Variants in PCDHGA1 observed in about 807,000 individuals in gnomAD.
PCDHGA1 encodes the protein protocadherin gamma subfamily A, 1, also known as protocadherin gamma-A1.
In PCDHGA1, 32 loss-of-function variants were observed where a neutral mutation model predicts 58.0. That is an observed-to-expected ratio of 0.55 (90% confidence interval 0.42 to 0.74). The LOEUF is 0.74. Among genes scored for constraint, PCDHGA1 ranks in the 30% least tolerant of loss-of-function variants. PCDHGA1 has a pLI of 0.00. For missense variants in PCDHGA1, 1,205 were observed against 1,182.3 expected, an observed-to-expected ratio of 1.02 and a Z score of -0.28; for synonymous variants, 498 against 501.1, an observed-to-expected ratio of 0.99 and a Z score of 0.08.
intron 1 of PCDHGA1, chr5:141,441,088 G>A (rs1050261040): frequency 3.9e-5 from 6 of 152,162 alleles, no homozygotes; most frequent in African/African-American, 1.4e-4. Context: ...GGTAGCAAGT[G>A]ACAGAGAGGG....
chr5:141,485,577 G>A lies in PCDHGA1; in HGVS notation c.2422-9230G>A. Reference sequence around the variant, plus strand: ...AATGATCACGCCCCCCGTTTTCCGCGGCAGCAGCTGGACTTGGAAATTGGG... The same window carrying A: ...AATGATCACGCCCCCCGTTTTCCGCAGCAGCAGCTGGACTTGGAAATTGGG... On this transcript the variant is annotated intron_variant, in intron 1 of 3. Transcript: ENST00000517417. This position sits in a 1 kb window ranked among gnomAD's most constrained non-coding sequence, Gnocchi z 5.7. 2 of 1,612,500 alleles carry A rather than the reference G, an allele frequency of 1.2e-6. No individual in the cohort carries two copies. Among genetic ancestry groups the A allele is most frequent in the Non-Finnish European group, 8.5e-7 (1 of 1,178,676 alleles).
intron 1 of PCDHGA1, chr5:141,340,174 C>A: frequency 6.2e-7 from 1 of 1,614,214 alleles, no homozygotes; most frequent in Non-Finnish European, 8.5e-7. Context: ...TAGACAATTA[C>A]TACCGACTGG....
intron 1 of PCDHGA1, chr5:141,426,390 C>T (rs1211244710): frequency 7.9e-6 from 2 of 252,180 alleles, no homozygotes; most frequent in African/African-American, 4.4e-5. Flanking sequence ...AGATCCGCTA[C>T]TCTATTCCAG....
rs1364475035 is a variant in PCDHGA1, at chr5:141,334,737, T to C, written c.2421+1632T>C. On this transcript the variant is annotated intron_variant, in intron 1 of 3. Coordinates refer to ENST00000517417, the MANE Select transcript of PCDHGA1 (RefSeq NM_018912.3). The surrounding 1 kb of genome is among the most constrained non-coding windows in gnomAD (Gnocchi z 4.6). ...GACAGCGAACACCAAGTATCTCATATGTGAGCTGTGGTATCCAGAATATCA... is the reference window on the plus strand; with the variant it reads ...GACAGCGAACACCAAGTATCTCATACGTGAGCTGTGGTATCCAGAATATCA... 1 of 152,236 alleles carries C rather than the reference T, an allele frequency of 6.6e-6. No individual in the cohort carries two copies. Among genetic ancestry groups the C allele is most frequent in the Admixed American group, 6.5e-5 (1 of 15,282 alleles). 9.4% of individuals were successfully genotyped at this position (152,236 alleles called of 1,614,324 possible). A position where few individuals can be genotyped will look rare whatever the true frequency, so the allele number is the denominator to read the frequency against.
At chr5:141,374,037 C>G (rs1770042713) in intron 1 of PCDHGA1, 8 of 1,446,082 alleles carry the variant, frequency 5.5e-6, no homozygotes, top group Non-Finnish European at 7.3e-6. Context: ...TGATGCAGAT[C>G]TGTTCTTCCT....
At chr5:141,430,682 C>A (rs2097302907) in intron 1 of PCDHGA1, 1 of 1,361,564 alleles carries the variant, frequency 7.3e-7, no homozygotes, top group South Asian at 1.7e-5. Flanking sequence ...CCAACTGTCC[C>A]ATTCTATGGG....
intron 1 of PCDHGA1, chr5:141,333,346 G>A (rs1756460167): frequency 1.6e-6 from 1 of 638,134 alleles, no homozygotes; most frequent in Non-Finnish European, 2.6e-6. Context: ...GAAGGTATGT[G>A]TGAGATGCCA....
Position 141,470,128 on chromosome 5 carries a change from CA to C in PCDHGA1, c.2422-24670del, listed in dbSNP as rs200356364. Among the ~76,000 whole-genome samples, 62 of 150,148 alleles carry C rather than the reference CA, an allele frequency of 4.1e-4. 1 individual carries two copies. Among genetic ancestry groups the C allele is most frequent in the Middle Eastern group, 3.4e-3 (1 of 294 alleles). On this transcript the variant is annotated intron_variant, in intron 1 of 3. Coordinates refer to ENST00000517417, the MANE Select transcript of PCDHGA1 (RefSeq NM_018912.3). ...TGAGCAACAGAGCAAGACTTCGTCTCAAAAAAAAAGATCATAGATCATCTTA... is the reference window on the plus strand; with the variant it reads ...TGAGCAACAGAGCAAGACTTCGTCTCAAAAAAAAGATCATAGATCATCTTA...
chr5:141,353,389 T>C (rs1759266396), intron 1 of PCDHGA1, among the ~76,000 whole-genome samples: 1 of 152,234 alleles, frequency 6.6e-6, no homozygotes, highest in East Asian at 1.9e-4. Flanking sequence ...AATGTAATTA[T>C]GTAATTAATG....
intron 1 of PCDHGA1, chr5:141,398,456 C>A (rs1262009079): frequency 6.3e-7 from 1 of 1,590,134 alleles, no homozygotes; most frequent in Non-Finnish European, 8.6e-7. Context: ...GAGGCTGTTG[C>A]TGAAAATCCA....
chr5:141,413,833 G>A (rs917295013), intron 1 of PCDHGA1: 1 of 1,613,276 alleles, frequency 6.2e-7, no homozygotes, highest in Non-Finnish European at 8.5e-7. Context: ...CACCGCCTCC[G>A]ACGGGGGTGA....
chr5:141,350,955 C>T (rs1440968204), intron 1 of PCDHGA1: 1 of 1,614,070 alleles, frequency 6.2e-7, no homozygotes, highest in Non-Finnish European at 8.5e-7. Context: ...GTTACGGATG[C>T]CAATGATAAT....
Position 141,490,491 on chromosome 5 carries a change from A to T in PCDHGA1, c.2422-4316A>T. 1 of 1,614,098 alleles carries T rather than the reference A, an allele frequency of 6.2e-7. No individual in the cohort carries two copies. Among genetic ancestry groups the T allele is most frequent in the Non-Finnish European group, 8.5e-7 (1 of 1,180,022 alleles). ...GCCAGCCTTTGGACCGGGAGGCCAC[A>T]TCCCACTATATCATCGAGCTGCTGG... On this transcript the variant is annotated intron_variant, in intron 1 of 3. Coordinates refer to ENST00000517417, the MANE Select transcript of PCDHGA1 (RefSeq NM_018912.3). This position sits in a 1 kb window ranked among gnomAD's most constrained non-coding sequence, Gnocchi z 5.4.
At chr5:141,388,295 C>T (rs766909730) in intron 1 of PCDHGA1, 3 of 1,613,442 alleles carry the variant, frequency 1.9e-6, no homozygotes, top group East Asian at 2.2e-5. Flanking sequence ...CGCAAAATTC[C>T]TTTGAGCTGC....
chr5:141,409,600 G>A (rs778681839), intron 1 of PCDHGA1: 1 of 1,613,764 alleles, frequency 6.2e-7, no homozygotes. Context: ...AGAACAACCC[G>A]CCAGGAGCCT....
chr5:141,371,003 A>G (rs945261754), intron 1 of PCDHGA1: 20 of 1,613,844 alleles, frequency 1.2e-5, no homozygotes, highest in Non-Finnish European at 1.6e-5. Flanking sequence ...TGGACAGGGA[A>G]GAGCAGCCAC....
rs749838422 is a variant in PCDHGA1 at position 141,341,260 on chromosome 5, G to A, written c.2421+8155G>A. The A allele has an allele frequency of 4.3e-6, 7 of 1,614,206 alleles. No individual in the cohort carries two copies. In the South Asian group the frequency reaches 7.7e-5, roughly 18 times the overall value. ...ACGAGGTCTCCCTCACTGCGGACTCGCGGAAGAGCCACCTGATTTTCCCCC... is the reference window on the plus strand; with the variant it reads ...ACGAGGTCTCCCTCACTGCGGACTCACGGAAGAGCCACCTGATTTTCCCCC... On this transcript the variant is annotated intron_variant, in intron 1 of 3. Transcript: ENST00000517417.
intron 1 of PCDHGA1, chr5:141,355,448 C>A: frequency 1.9e-6 from 3 of 1,614,092 alleles, no homozygotes; most frequent in Non-Finnish European, 2.5e-6. Flanking sequence ...CGCAGCGGCA[C>A]CTTGGTCACC....
intron 1 of PCDHGA1, chr5:141,364,802 C>T (rs1312102403): frequency 6.2e-7 from 1 of 1,614,006 alleles, no homozygotes; most frequent in Non-Finnish European, 8.5e-7. Context: ...TCCCTTCGCG[C>T]GGGATGCGGA....
Sources: allele counts gnomAD v4.1 joint callset (sites outside exome capture counted in the v4.1 genomes callset), GRCh38; gene constraint gnomAD v4.1.1; non-coding constraint Gnocchi (gnomAD v3.1); transcripts MANE v1.5; gene names NCBI Gene and HGNC (gene_info 2026-07-23, HGNC 2026-07-21).